The following MYO16 variants were observed in gnomAD, a reference collection of about 807,000 sequenced individuals.
MYO16 encodes the protein unconventional myosin-XVI.
Under a neutral mutation model 205.3 loss-of-function variants are expected in MYO16, and 94 were observed. The observed-to-expected ratio is 0.46, with a 90% CI of 0.39 to 0.54. The LOEUF (loss-of-function observed/expected upper bound fraction) is 0.54. MYO16 is among the 20% of genes least tolerant of loss of function. The pLI, the probability that MYO16 is intolerant of heterozygous loss-of-function variation, is 0.00. For missense variants in MYO16, 2,315 were observed against 2,387.5 expected, an observed-to-expected ratio of 0.97 and a Z score of 0.63; for synonymous variants, 988 against 954.0, an observed-to-expected ratio of 1.04 and a Z score of -0.66.
At chr13:108,729,660 G>GACAT (rs1884458500) in intron 4 of MYO16, among the ~76,000 whole-genome samples, 1 of 152,112 alleles carries the variant, frequency 6.6e-6, no homozygotes, top group South Asian at 2.1e-4. Context: ...TATTCATATG[G>GACAT]TTGTGCTTAA....
chr13:108,711,909 G>A (rs1883738031), intron 2 of MYO16, among the ~76,000 whole-genome samples: 1 of 152,188 alleles, frequency 6.6e-6, no homozygotes, highest in Non-Finnish European at 1.5e-5. Context: ...ATTGCTGTTA[G>A]TAGTGGAAAC....
intron 4 of MYO16, among the ~76,000 whole-genome samples, chr13:108,771,577 A>G (rs1299999570): frequency 1.3e-5 from 2 of 152,164 alleles, no homozygotes; most frequent in East Asian, 1.9e-4. Context: ...ATGCAGTGAC[A>G]TGGATCCACC....
chr13:108,658,426 TTGTG>T (rs145187326), intron 1 of MYO16, among the ~76,000 whole-genome samples: 1,910 of 145,272 alleles, frequency 0.013, 33 homozygotes, highest in African/African-American at 0.04. Flanking sequence ...TGTTTCAACT[TTGTG>T]TGTGTGTGTG....
In MYO16 at chr13:108,603,230, CT is replaced by C. The variant is rs202195248; in HGVS notation, c.-39+6992del. 6.0e-3 allele frequency among the ~76,000 whole-genome samples: 916 copies of C among 152,218 alleles called. 13 individuals carry two copies. Among genetic ancestry groups the C allele is most frequent in the African/African-American group, 0.021 (878 of 41,534 alleles). On this transcript the variant is annotated intron_variant, in intron 1 of 24. Coordinates refer to the MYO16 transcript ENST00000251041. ...GAGACAGAGGGAATGGTCAGTTTTG[CT>C]AATTAGGAAAATCCTGGACATGTTT... is the stretch of plus-strand genomic sequence containing the variant.
intron 29 of MYO16, 37 bp downstream of exon 29, chr13:109,120,503 A>T (rs779019946): frequency 9.1e-6 from 14 of 1,538,074 alleles, no homozygotes; most frequent in Non-Finnish European, 1.3e-5. Flanking sequence ...AATTTATTTG[A>T]GTTGTGAAAT....
intron 9 of MYO16, among the ~76,000 whole-genome samples, chr13:108,828,227 A>G (rs1876393837): frequency 6.6e-6 from 1 of 152,164 alleles, no homozygotes; most frequent in Non-Finnish European, 1.5e-5. Flanking sequence ...TGTTTCAGCG[A>G]GGAGGTCATT....
In MYO16 at chr13:108,793,574, A is replaced by T; in HGVS notation, c.675A>T (p.Thr225=). The T allele has an allele frequency of 6.2e-7, 1 of 1,613,840 alleles. No individual in the cohort carries two copies. Among genetic ancestry groups the T allele is most frequent in the Non-Finnish European group, 8.5e-7 (1 of 1,179,730 alleles). ...MKLQRPMSML[T]DVKHFLSSGG... is the part of the protein sequence containing the mutation. The stretch of plus-strand genomic sequence containing the variant: ...TTCAGAGACCAATGAGTATGTTAAC[A>T]GATGTCAAACACTTCTTATCATCTG... The change falls in exon 6 of 35, where the codon ACA becomes ACT. Residue 225 remains threonine (T), a synonymous_variant. Coordinates refer to ENST00000457511, the MANE Select transcript of MYO16 (RefSeq NM_001198950.3).
chr13:108,979,140 C>T (rs1884371078), intron 20 of MYO16, among the ~76,000 whole-genome samples: 1 of 151,882 alleles, frequency 6.6e-6, no homozygotes, highest in South Asian at 2.1e-4. Context: ...GTCACTTTCA[C>T]ATTTATATTA....
chr13:108,926,612 C>T lies in MYO16; in HGVS notation c.1925+16462C>T, dbSNP rs1309441793. Among the ~76,000 whole-genome samples the T allele has an allele frequency of 3.3e-5, 5 of 152,076 alleles. No homozygotes were observed. In the East Asian group the frequency reaches 7.8e-4, roughly 24 times the overall value. ...GAAAAAGTCACCAGGAACAGGAGGG[C>T]GTGAGTGGAACCTGTCATCTAGAGA... On this transcript the variant is annotated intron_variant, in intron 16 of 34. Coordinates refer to ENST00000457511, the MANE Select transcript of MYO16 (RefSeq NM_001198950.3).
At chr13:108,533,950 C>T in the MYO16 span, among the ~76,000 whole-genome samples, 1 of 152,062 alleles carries the variant, frequency 6.6e-6, no homozygotes, top group African/African-American at 2.4e-5. Flanking sequence ...CCTTCCTCTG[C>T]CCCCTTAGTT....
At chr13:108,992,852 A>G (rs867700700) in intron 21 of MYO16, among the ~76,000 whole-genome samples, 25 of 152,216 alleles carry the variant, frequency 1.6e-4, no homozygotes, top group Middle Eastern at 3.2e-3. Flanking sequence ...ATTCATCTCC[A>G]TATGACATTC....
chr13:108,505,592 T>C, the MYO16 span, among the ~76,000 whole-genome samples: 3 of 152,206 alleles, frequency 2.0e-5, no homozygotes, highest in Non-Finnish European at 2.9e-5. Context: ...GTCAGATATA[T>C]GGTTTGAAAA....
At chr13:109,099,323 C>A (rs1888879949) in intron 27 of MYO16, among the ~76,000 whole-genome samples, 1 of 152,168 alleles carries the variant, frequency 6.6e-6, no homozygotes, top group African/African-American at 2.4e-5. Flanking sequence ...AGTAATAAGT[C>A]ATTCGCAAAA....
At chr13:108,771,746 A>T (rs988633099) in intron 4 of MYO16, among the ~76,000 whole-genome samples, 4 of 151,932 alleles carry the variant, frequency 2.6e-5, no homozygotes, top group Non-Finnish European at 4.4e-5. Context: ...AAATCATACA[A>T]TGTTTAGACT....
chr13:109,120,799 C>T (rs1008054560), intron 29 of MYO16, among the ~76,000 whole-genome samples: 7 of 152,152 alleles, frequency 4.6e-5, no homozygotes, highest in African/African-American at 1.7e-4. Flanking sequence ...CCTGTAATCC[C>T]AGTTACTCAG....
Position 109,120,467 on chromosome 13 carries a change from G to A in MYO16, c.3535+1G>A. 1.9e-6 allele frequency: 3 copies of A among 1,602,966 alleles called. No individual in the cohort carries two copies. The highest frequency in any genetic ancestry group is 1.7e-6 in the Non-Finnish European group (2 of 1,172,832). On this transcript the variant is annotated splice_donor_variant, in intron 29 of 34. Coordinates refer to ENST00000457511, the MANE Select transcript of MYO16 (RefSeq NM_001198950.3). LOFTEE classifies it high-confidence loss of function. ...AGAAAAATTATAACCTGCCAAAAAG[G>A]TAACATTTATATGCCAACATTTCTG...
chr13:108,714,631 GAGATT>G (rs1883869218), intron 3 of MYO16, among the ~76,000 whole-genome samples: 2 of 133,856 alleles, frequency 1.5e-5, no homozygotes, highest in African/African-American at 5.1e-5. Flanking sequence ...TAGAGAGAGA[GAGATT>G]AGATATGTTA....
At chr13:108,524,066 G>C in the MYO16 span, among the ~76,000 whole-genome samples, 103 of 152,170 alleles carry the variant, frequency 6.8e-4, 1 homozygote, top group Non-Finnish European at 1.0e-3. Context: ...TTGGGAGGCC[G>C]AGGTGGGTGG....
rs937263288 is a variant in MYO16 at position 109,141,990 on chromosome 13, C to A, written c.5164+614C>A. Among the ~76,000 whole-genome samples the A allele has an allele frequency of 3.9e-5, 6 of 152,214 alleles. No homozygotes were observed. Among genetic ancestry groups the A allele is most frequent in the African/African-American group, 1.2e-4 (5 of 41,446 alleles). The stretch of plus-strand genomic sequence containing the variant: ...TGTTTTCTCATCCAGCGACTCAGCC[C>A]ACAGTGGGGTTTGCAGGTGGAAATC... On this transcript the variant is annotated intron_variant, in intron 32 of 34. Coordinates refer to ENST00000457511, the MANE Select transcript of MYO16 (RefSeq NM_001198950.3). The surrounding 1 kb of genome is among the most constrained non-coding windows in gnomAD (Gnocchi z 4.1).
Sources: gnomAD v4.1 joint callset for allele counts (sites outside exome capture counted in the v4.1 genomes callset) on GRCh38, gnomAD v4.1.1 for gene constraint, Gnocchi (gnomAD v3.1) non-coding constraint, MANE v1.5 for transcripts, NCBI Gene and HGNC (gene_info 2026-07-23, HGNC 2026-07-21) for gene names.